Variants in GALNT13 observed in about 807,000 individuals in gnomAD.
GALNT13 encodes the protein polypeptide N-acetylgalactosaminyltransferase 13, also known as UDP-GalNAc:polypeptide N-acetylgalactosaminyltransferase 13.
GALNT13 carries 28 observed loss-of-function variants against 64.2 expected under a neutral mutation model. The ratio of observed to expected loss-of-function variants is 0.44; its 90% CI spans 0.32 to 0.60. GALNT13 has a LOEUF of 0.60. Ranked by LOEUF, GALNT13 falls within the 20% of genes least tolerant of loss-of-function variation. GALNT13 has a pLI of 0.05. For missense variants in GALNT13, 577 were observed against 669.8 expected (o/e 0.86, Z 1.53); for synonymous variants, 214 against 224.6 (o/e 0.95, Z 0.42).
intron 9 of GALNT13, among the ~76,000 whole-genome samples, chr2:154,390,418 C>T (rs1358601234): frequency 1.3e-5 from 2 of 152,100 alleles, no homozygotes; most frequent in African/African-American, 4.8e-5. Context: ...TGTATTGTTC[C>T]CCTCTATGTG....
chr2:154,357,707 CA>C (rs1229991524), intron 9 of GALNT13, among the ~76,000 whole-genome samples: 1 of 152,052 alleles, frequency 6.6e-6, no homozygotes, highest in Admixed American at 6.6e-5. Context: ...ACTGGTCATT[CA>C]CTGGGATAGT....
the GALNT13 span, among the ~76,000 whole-genome samples, chr2:153,474,879 C>T: frequency 1.6e-5 from 1 of 63,978 alleles, no homozygotes; most frequent in Non-Finnish European, 4.2e-5. Context: ...ATGGTAGAAC[C>T]TGCCTGTTAA....
At chr2:154,418,646 G>T (rs1030385544) in intron 11 of GALNT13, among the ~76,000 whole-genome samples, 1 of 152,138 alleles carries the variant, frequency 6.6e-6, no homozygotes, top group Non-Finnish European at 1.5e-5. Context: ...TGGACTTCTG[G>T]CCTCCTGAAA....
chr2:153,471,452 G>A, the GALNT13 span, among the ~76,000 whole-genome samples: 1 of 152,002 alleles, frequency 6.6e-6, no homozygotes, highest in Admixed American at 6.6e-5. Context: ...AAATAGAGAA[G>A]GAATTTACAA....
chr2:153,315,703 A>G, the GALNT13 span, among the ~76,000 whole-genome samples: 1 of 152,198 alleles, frequency 6.6e-6, no homozygotes, highest in South Asian at 2.1e-4. Flanking sequence ...ATTAACATTC[A>G]TGGAACACTA....
At chr2:153,600,709 T>G in the GALNT13 span, among the ~76,000 whole-genome samples, 1 of 152,054 alleles carries the variant, frequency 6.6e-6, no homozygotes, top group Non-Finnish European at 1.5e-5. Context: ...CCTTAAGACA[T>G]TAATAGATGC....
At chr2:153,742,993 G>A in the GALNT13 span, among the ~76,000 whole-genome samples, 1 of 113,248 alleles carries the variant, frequency 8.8e-6, no homozygotes, top group Non-Finnish European at 1.8e-5. Flanking sequence ...AAGTGGGGGG[G>A]GAGAGAGGGG....
chr2:154,226,712 TATTA>T (rs1221729080), intron 4 of GALNT13, among the ~76,000 whole-genome samples: 2 of 152,142 alleles, frequency 1.3e-5, no homozygotes, highest in Non-Finnish European at 2.9e-5. Flanking sequence ...ACAAAACTGA[TATTA>T]ATTGTTCTTG....
the GALNT13 span, among the ~76,000 whole-genome samples, chr2:153,858,763 C>T: frequency 0.17 from 26,385 of 151,934 alleles, 2,812 homozygotes; most frequent in Admixed American, 0.36. Flanking sequence ...GACACAGCCT[C>T]GCTTTGTTGC....
the GALNT13 span, among the ~76,000 whole-genome samples, chr2:153,218,210 G>C: frequency 6.6e-6 from 1 of 152,090 alleles, no homozygotes; most frequent in Non-Finnish European, 1.5e-5. Context: ...TCCTCTTCCA[G>C]AAATATTCTA....
the GALNT13 span, among the ~76,000 whole-genome samples, chr2:153,469,065 C>T: frequency 1.2e-4 from 19 of 152,126 alleles, no homozygotes; most frequent in Admixed American, 7.9e-4. Context: ...TATTTGTTTT[C>T]GTAAAGTTAT....
chr2:154,294,972 T>C lies in GALNT13; in HGVS notation c.976-6437T>C, dbSNP rs543210767. ...CTCCTGGCTACGGCAGTTTTTTCAG[T>C]TGCCAACTTGACATATTTTGGAGTA... is the stretch of plus-strand genomic sequence containing the variant. On this transcript the variant is annotated intron_variant, in intron 8 of 12. Coordinates refer to ENST00000392825, the MANE Select transcript of GALNT13 (RefSeq NM_052917.4). Among the ~76,000 whole-genome samples the C allele has an allele frequency of 2.6e-5, 4 of 152,272 alleles. No homozygotes were observed. The South Asian group carries it at 6.2e-4, about 24-fold the overall frequency.
the GALNT13 span, among the ~76,000 whole-genome samples, chr2:153,372,964 C>A: frequency 6.6e-6 from 1 of 152,150 alleles, no homozygotes; most frequent in Admixed American, 6.5e-5. Flanking sequence ...TATTGACATC[C>A]ATTTCCTGCC....
At chr2:153,527,980 C>T in the GALNT13 span, among the ~76,000 whole-genome samples, 2 of 151,940 alleles carry the variant, frequency 1.3e-5, no homozygotes, top group African/African-American at 2.4e-5. Flanking sequence ...GAGAAAATCA[C>T]CTTTACTAAT....
the GALNT13 span, among the ~76,000 whole-genome samples, chr2:153,280,092 T>G: frequency 6.6e-6 from 1 of 152,118 alleles, no homozygotes; most frequent in Admixed American, 6.5e-5. Context: ...GATTCAGTCT[T>G]GAGGGGGTTG....
At chr2:153,796,079 C>T in the GALNT13 span, among the ~76,000 whole-genome samples, 2 of 152,222 alleles carry the variant, frequency 1.3e-5, no homozygotes, top group Non-Finnish European at 2.9e-5. Context: ...TTCACTTCTA[C>T]TTCTTTTCCA....
At chr2:154,022,495 A>G (rs548278435) in intron 3 of GALNT13, among the ~76,000 whole-genome samples, 5 of 152,298 alleles carry the variant, frequency 3.3e-5, no homozygotes, top group South Asian at 2.1e-4. Flanking sequence ...AGGTGTTTAT[A>G]GTATTCTCTG....
At chr2:153,856,738 C>A in the GALNT13 span, among the ~76,000 whole-genome samples, 1 of 151,970 alleles carries the variant, frequency 6.6e-6, no homozygotes, top group Non-Finnish European at 1.5e-5. Flanking sequence ...TTGATTTATC[C>A]TTTGATTGGG....
At chr2:154,337,178 G>T (rs1232787678) in intron 9 of GALNT13, among the ~76,000 whole-genome samples, 1 of 152,014 alleles carries the variant, frequency 6.6e-6, no homozygotes, top group Admixed American at 6.6e-5. Context: ...TTTGTAAAAT[G>T]GAATATAGTG....
Sources: gnomAD v4.1 joint callset for allele counts (sites outside exome capture counted in the v4.1 genomes callset) on GRCh38, gnomAD v4.1.1 for gene constraint, MANE v1.5 for transcripts, NCBI Gene and HGNC (gene_info 2026-07-23, HGNC 2026-07-21) for gene names.